The following PCDH15 variants were observed in gnomAD, a reference collection of about 807,000 sequenced individuals.
PCDH15 encodes the protein protocadherin related 15, also known as protocadherin-15.
PCDH15 carries 129 observed loss-of-function variants against 178.5 expected under a neutral mutation model. The observed-to-expected ratio is 0.72, with a 90% CI of 0.63 to 0.84. The LOEUF is 0.84. Among genes scored for constraint, PCDH15 ranks in the 40% least tolerant of loss-of-function variants. The pLI is 0.00. For synonymous variants in PCDH15, 800 were observed against 732.0 expected, an observed-to-expected ratio of 1.09 and a Z score of -1.50; for missense variants, 2,230 against 2,099.9, an observed-to-expected ratio of 1.06 and a Z score of -1.21.
At chr10:54,723,643 T>G (rs1453234309) in intron 1 of PCDH15, among the ~76,000 whole-genome samples, 3 of 151,702 alleles carry the variant, frequency 2.0e-5, no homozygotes, top group Non-Finnish European at 2.9e-5. Flanking sequence ...TTTCAAATCA[T>G]GCTTCTGACA....
intron 2 of PCDH15, among the ~76,000 whole-genome samples, chr10:55,522,788 G>A (rs1051062812): frequency 6.6e-6 from 1 of 151,652 alleles, no homozygotes; most frequent in Admixed American, 6.6e-5. Flanking sequence ...TTTGATTGGA[G>A]AATTTAATTC....
rs36018565 is a variant in PCDH15 at position 54,945,351 on chromosome 10, T to TAGATATATA, written c.-79-47852_-79-47851insTATATATCT. On this transcript the variant is annotated intron_variant, in intron 2 of 5. Transcript: ENST00000458638. ...ATAGATAGATAGATAGATAGATAGATGATAGATAGATATATAGATAGATAG... is the reference window on the plus strand; with the variant it reads ...ATAGATAGATAGATAGATAGATAGATAGATATATAGATAGATAGATATATAGATAGATAG... Among the ~76,000 whole-genome samples, 1,055 of 137,982 alleles carry TAGATATATA rather than the reference T, an allele frequency of 7.6e-3. 8 individuals are homozygous for TAGATATATA. The highest frequency in any genetic ancestry group is 0.012 in the Middle Eastern group (3 of 256). 90.5% of individuals were successfully genotyped at this position (137,982 alleles called of 152,430 possible).
intron 2 of PCDH15, among the ~76,000 whole-genome samples, chr10:55,621,857 T>C (rs184709542): frequency 7.5e-4 from 113 of 150,998 alleles, no homozygotes; most frequent in Non-Finnish European, 1.3e-3. Context: ...ATCATATGTA[T>C]ATGTGGACAT....
At position 54,099,513 on chromosome 10, in the gene PCDH15, A is replaced by AAAAAAAAAAAT. The variant is rs1347306483; in HGVS notation, c.1918-9451_1918-9450insATTTTTTTTTT. Among the ~76,000 whole-genome samples the AAAAAAAAAAAT allele has an allele frequency of 2.9e-3, 341 of 117,814 alleles. 3 individuals carry two copies. The highest frequency in any genetic ancestry group is 6.3e-3 in the African/African-American group (164 of 26,100). 77.3% of individuals were successfully genotyped at this position (117,814 alleles called of 152,430 possible). On this transcript the variant is annotated intron_variant, in intron 15 of 37. Transcript: ENST00000644397. ...GACTCCATCTCAAAAAAAAAAAAAA[A>AAAAAAAAAAAT]ATATATATATATATATATAAAACAA...
At chr10:54,217,261 G>T (rs2052195974) in intron 9 of PCDH15, among the ~76,000 whole-genome samples, 1 of 152,168 alleles carries the variant, frequency 6.6e-6, no homozygotes, top group Admixed American at 6.5e-5. Context: ...CAATCTAAAT[G>T]TATATTTAGT....
At chr10:54,980,737 T>C (rs1254187529) in intron 2 of PCDH15, among the ~76,000 whole-genome samples, 4 of 152,124 alleles carry the variant, frequency 2.6e-5, no homozygotes, top group Non-Finnish European at 4.4e-5. Flanking sequence ...AATTCATTCA[T>C]AATTTAAATT....
intron 18 of PCDH15, among the ~76,000 whole-genome samples, chr10:54,033,745 A>G (rs2093354697): frequency 1.3e-5 from 2 of 151,974 alleles, no homozygotes; most frequent in South Asian, 4.1e-4. Context: ...AACACAAAGT[A>G]TTGTGGTTTG....
intron 3 of PCDH15, among the ~76,000 whole-genome samples, chr10:54,424,377 A>G (rs1241583444): frequency 2.6e-5 from 4 of 151,800 alleles, no homozygotes; most frequent in South Asian, 2.1e-4. Context: ...TGGAGAGGAT[A>G]TGGAGAAATA....
intron 6 of PCDH15, among the ~76,000 whole-genome samples, chr10:54,342,921 C>T (rs897510936): frequency 1.3e-5 from 2 of 152,180 alleles, no homozygotes; most frequent in Non-Finnish European, 2.9e-5. Context: ...TTCTCACATA[C>T]AGAATGGGTG....
intron 1 of PCDH15, among the ~76,000 whole-genome samples, chr10:55,287,947 G>T (rs1334942493): frequency 6.6e-6 from 1 of 151,618 alleles, no homozygotes; most frequent in Non-Finnish European, 1.5e-5. Flanking sequence ...CTAGAACAAG[G>T]CTGAGTTCAC....
intron 2 of PCDH15, among the ~76,000 whole-genome samples, chr10:54,982,957 G>C (rs1839277099): frequency 6.6e-6 from 1 of 151,992 alleles, no homozygotes; most frequent in African/African-American, 2.4e-5. Context: ...CCAACAGCTT[G>C]AGTAATTTGA....
intron 1 of PCDH15, among the ~76,000 whole-genome samples, chr10:55,239,319 A>G (rs1592012267): frequency 6.6e-6 from 1 of 152,186 alleles, no homozygotes; most frequent in Non-Finnish European, 1.5e-5. Context: ...TAATGCTGCA[A>G]TGAACATGGT....
At chr10:54,690,310 C>CTTT (rs71014404) in intron 1 of PCDH15, among the ~76,000 whole-genome samples, 40 of 126,128 alleles carry the variant, frequency 3.2e-4, no homozygotes, top group African/African-American at 6.3e-4. Context: ...ACAAGACTAC[C>CTTT]TTTTTTTTTT....
At chr10:54,487,843 T>G (rs1312273548) in intron 3 of PCDH15, among the ~76,000 whole-genome samples, 1 of 151,948 alleles carries the variant, frequency 6.6e-6, no homozygotes, top group Non-Finnish European at 1.5e-5. Flanking sequence ...TAAACTAATA[T>G]TGTAATGTCC....
chr10:54,460,786 T>C (rs1028401414), intron 3 of PCDH15, among the ~76,000 whole-genome samples: 2 of 151,862 alleles, frequency 1.3e-5, no homozygotes, highest in Non-Finnish European at 2.9e-5. Flanking sequence ...AGGTAGCGAG[T>C]TGAAGGATGA....
Position 53,804,926 on chromosome 10 carries a change from T to TG in PCDH15, c.*1652_*1653insC, listed in dbSNP as rs574918191. The TG allele has an allele frequency of 1.3e-5, 2 of 151,958 alleles. No homozygotes were observed. Among genetic ancestry groups the TG allele is most frequent in the African/African-American group, 4.8e-5 (2 of 41,398 alleles). The allele number at this position is 151,958 out of a possible 1,614,324, so 9.4% of individuals were successfully genotyped here. A position where few individuals can be genotyped will look rare whatever the true frequency, so the allele number is the denominator to read the frequency against. ...ATCTAGCTAATGCCACTAGGTTTTT[T>TG]TTTGTTTGTTTGTTTTGTTTTGTTT... On this transcript the variant is annotated 3_prime_UTR_variant, in exon 38 of 38. Transcript: ENST00000644397.
chr10:55,432,111 A>ACACACACACACACACC (rs1314684136), intron 2 of PCDH15, among the ~76,000 whole-genome samples: 1 of 144,084 alleles, frequency 6.9e-6, no homozygotes, highest in Non-Finnish European at 1.5e-5. Context: ...ACACACACAC[A>ACACACACACACACACC]CACCACAAGT....
At chr10:54,899,496 A>G (rs1429395737) in intron 2 of PCDH15, among the ~76,000 whole-genome samples, 1 of 112,482 alleles carries the variant, frequency 8.9e-6, no homozygotes. Context: ...CCCTTCCGTA[A>G]TTTTCTTTTC....
chr10:55,118,286 G>A (rs1837676049), intron 2 of PCDH15, among the ~76,000 whole-genome samples: 1 of 152,206 alleles, frequency 6.6e-6, no homozygotes, highest in Admixed American at 6.5e-5. Context: ...CCTCTAGGTA[G>A]ACACTGTTGA....
Sources: gnomAD v4.1 joint callset for allele counts (sites outside exome capture counted in the v4.1 genomes callset) on GRCh38, gnomAD v4.1.1 for gene constraint, MANE v1.5 for transcripts, NCBI Gene and HGNC (gene_info 2026-07-23, HGNC 2026-07-21) for gene names.